EVC2: variants seen among roughly 807,000 people sequenced by gnomAD.
EVC2 encodes EvC ciliary complex subunit 2.
In EVC2, 148 loss-of-function variants were observed where a neutral mutation model predicts 149.3. The observed-to-expected ratio is 0.99, with a 90% CI of 0.87 to 1.14. EVC2 has a LOEUF of 1.14. Ranked by LOEUF, EVC2 falls within the 50% of genes most tolerant of loss-of-function variation. EVC2 has a pLI of 0.00. For missense variants in EVC2, 1,854 were observed against 1,627.3 expected, an observed-to-expected ratio of 1.14 and a Z score of -2.40; for synonymous variants, 776 against 649.9, an observed-to-expected ratio of 1.19 and a Z score of -2.95.
intron 22 of EVC2, chr4:5,542,929 C>T (rs554476868): frequency 2.0e-5 from 7 of 349,312 alleles, no homozygotes; most frequent in South Asian, 4.5e-5. Context: ...TCAGCAGCAT[C>T]GGTAACCAAT....
Position 5,677,262 on chromosome 4 carries a change from C to T in EVC2, c.870+3998G>A, listed in dbSNP as rs73067723. Among the ~76,000 whole-genome samples, 791 of 152,262 alleles carry T rather than the reference C, an allele frequency of 5.2e-3. 3 individuals carry two copies. The highest frequency in any genetic ancestry group is 0.018 in the African/African-American group (756 of 41,548). ...AACTGAGGCCCTCAGAGGTAAGTGA[C>T]GTGCCCAAGCTCACATGCAATCAGT... On this transcript the variant is annotated intron_variant, in intron 7 of 21. Transcript: ENST00000344408. The surrounding 1 kb of genome is among the most constrained non-coding windows in gnomAD (Gnocchi z 4.3).
chr4:5,530,755 A>G, the EVC2 span, among the ~76,000 whole-genome samples: 1 of 152,216 alleles, frequency 6.6e-6, no homozygotes, highest in Non-Finnish European at 1.5e-5. Context: ...CTACCTCATA[A>G]GGTAAACTAT....
chr4:5,599,392 T>TA (rs1390747657), intron 16 of EVC2, among the ~76,000 whole-genome samples: 2 of 152,044 alleles, frequency 1.3e-5, no homozygotes, highest in African/African-American at 2.4e-5. Flanking sequence ...TATGCAGCCA[T>TA]AAAAAATGAT....
intron 21 of EVC2, among the ~76,000 whole-genome samples, chr4:5,543,813 G>A (rs1721562584): frequency 6.6e-6 from 1 of 152,194 alleles, no homozygotes; most frequent in Non-Finnish European, 1.5e-5. Flanking sequence ...AGGGCTGCGA[G>A]GGGCATCTGG....
intron 21 of EVC2, among the ~76,000 whole-genome samples, chr4:5,547,225 G>C (rs1284608334): frequency 6.6e-6 from 1 of 152,252 alleles, no homozygotes; most frequent in Non-Finnish European, 1.5e-5. Context: ...TGACATGCCA[G>C]CCCCCCACTG....
At position 5,562,922 on chromosome 4, in the gene EVC2, G is replaced by A. The variant is rs2108764998; in HGVS notation, c.3853C>T (p.Leu1285=). The A allele has an allele frequency of 3.7e-6, 6 of 1,614,174 alleles. No homozygotes were observed. Among genetic ancestry groups the A allele is most frequent in the Non-Finnish European group, 5.1e-6 (6 of 1,180,050 alleles). Reference sequence around the variant, plus strand: ...TTCTTTTTCCTGGGAGGAACGTGCAGTGAGATCTCTGGCTCCTTTGGATTT... The same window carrying A: ...TTCTTTTTCCTGGGAGGAACGTGCAATGAGATCTCTGGCTCCTTTGGATTT... The part of the protein sequence containing the change: ...FRNPKEPEIS[L]HVPPRKKKNF... The change falls in exon 22 of 22, where the codon CTG becomes TTG. Residue 1285 remains leucine (L), a synonymous_variant. Coordinates refer to ENST00000344408, the MANE Select transcript of EVC2 (RefSeq NM_147127.5). The surrounding 1 kb of genome is among the most constrained non-coding windows in gnomAD (Gnocchi z 4.3).
At position 5,636,519 on chromosome 4, in the gene EVC2, T is replaced by C. The variant is rs1161047443; in HGVS notation, c.1470+3995A>G. 6.6e-6 allele frequency among the ~76,000 whole-genome samples: 1 copy of C among 152,220 alleles called. No homozygotes were observed. The highest frequency in any genetic ancestry group is 2.4e-5 in the African/African-American group (1 of 41,452). On this transcript the variant is annotated intron_variant, in intron 10 of 21. Coordinates refer to ENST00000344408, the MANE Select transcript of EVC2 (RefSeq NM_147127.5). This position sits in a 1 kb window ranked among gnomAD's most constrained non-coding sequence, Gnocchi z 4.6. ...ACAAACTATTTATAACTACATAACA[T>C]TTACATTGTATTAGGTATTACAAGT... is the stretch of plus-strand genomic sequence containing the variant.
chr4:5,665,686 T>C (rs1427690620), intron 7 of EVC2, 37 bp from the exon 8 acceptor site: 3 of 1,610,744 alleles, frequency 1.9e-6, no homozygotes, highest in Non-Finnish European at 2.5e-6. Context: ...TCATGTGTGG[T>C]CAGACAGCAT....
chr4:5,588,540 C>T lies in EVC2; in HGVS notation c.2830-3690G>A, dbSNP rs114056773. On this transcript the variant is annotated intron_variant, in intron 16 of 21. Coordinates refer to ENST00000344408, the MANE Select transcript of EVC2 (RefSeq NM_147127.5). ...AATTCCAATTACCCACACATTAGGC[C>T]GCCTGAAGTTGTCTCATGGCTCACT... Among the ~76,000 whole-genome samples, 748 of 152,170 alleles carry T rather than the reference C, an allele frequency of 4.9e-3. 6 individuals carry two copies. Among genetic ancestry groups the T allele is most frequent in the African/African-American group, 0.017 (710 of 41,524 alleles).
intron 10 of EVC2, among the ~76,000 whole-genome samples, chr4:5,639,641 G>A (rs2061334053): frequency 1.3e-5 from 2 of 152,210 alleles, no homozygotes; most frequent in Admixed American, 1.3e-4. Context: ...TAGACTGTGA[G>A]TTCAGGTTTT....
chr4:5,690,407 T>TG (rs1400085114), intron 4 of EVC2, among the ~76,000 whole-genome samples: 65 of 120,338 alleles, frequency 5.4e-4, no homozygotes, highest in East Asian at 1.6e-3. Flanking sequence ...GGGTTGTTGT[T>TG]TTTTTTTTTT....
Position 5,569,949 on chromosome 4 carries a change from G to A in EVC2, c.3361-1309C>T, listed in dbSNP as rs1722549698. ...GACCGTCCTGCTCGCCCAGGCCACT[G>A]AGCCCTTACCCATGAGCTTCCTTCA... On this transcript the variant is annotated intron_variant, in intron 19 of 21. Transcript: ENST00000344408. The surrounding 1 kb of genome is among the most constrained non-coding windows in gnomAD (Gnocchi z 4.8). Among the ~76,000 whole-genome samples, 1 of 152,128 alleles carries A rather than the reference G, an allele frequency of 6.6e-6. No homozygotes were observed. Among genetic ancestry groups the A allele is most frequent in the African/African-American group, 2.4e-5 (1 of 41,434 alleles).
Position 5,613,633 on chromosome 4 carries a change from C to G in EVC2, c.2829+1789G>C, listed in dbSNP as rs577490233. Among the ~76,000 whole-genome samples, 11 of 151,996 alleles carry G rather than the reference C, an allele frequency of 7.2e-5. No homozygotes were observed. Among genetic ancestry groups the G allele is most frequent in the Non-Finnish European group, 1.6e-4 (11 of 68,018 alleles). On this transcript the variant is annotated intron_variant, in intron 16 of 21. Transcript: ENST00000344408. This position sits in a 1 kb window ranked among gnomAD's most constrained non-coding sequence, Gnocchi z 4.6. ...GCTTCCCTAGGGGTAGGCTGCCCCC[C>G]ACAAGGAACCCCCTAGTGACACTGT...
chr4:5,635,735 A>G (rs1716852100), intron 10 of EVC2, among the ~76,000 whole-genome samples: 1 of 152,228 alleles, frequency 6.6e-6, no homozygotes, highest in African/African-American at 2.4e-5. Flanking sequence ...TGTGCTGAGG[A>G]CAAAGACTCA....
downstream of EVC2, among the ~76,000 whole-genome samples, chr4:5,561,674 A>G (rs1009381345): frequency 6.6e-6 from 1 of 152,096 alleles, no homozygotes; most frequent in Admixed American, 6.6e-5. Context: ...CTCAGGTTCA[A>G]ATTGAGGATT....
At chr4:5,591,258 T>C (rs1295593703) in intron 16 of EVC2, among the ~76,000 whole-genome samples, 1 of 152,230 alleles carries the variant, frequency 6.6e-6, no homozygotes, top group Admixed American at 6.5e-5. Context: ...TCTAAGTGCC[T>C]GTTTTCAGCT....
At chr4:5,566,204 G>T (rs73072294) in intron 20 of EVC2, among the ~76,000 whole-genome samples, 207 of 152,340 alleles carry the variant, frequency 1.4e-3, no homozygotes, top group African/African-American at 4.3e-3. Flanking sequence ...AGGAGAGGGC[G>T]TTGGAGAGTG....
At chr4:5,676,722 G>A (rs1720018616) in intron 7 of EVC2, among the ~76,000 whole-genome samples, 1 of 152,104 alleles carries the variant, frequency 6.6e-6, no homozygotes, top group Non-Finnish European at 1.5e-5. Context: ...CCTCCTCCAG[G>A]AAGCCTGCCA....
At chr4:5,663,276 A>T in intron 8 of EVC2, 30 bp from the exon 9 acceptor site, 1 of 1,613,406 alleles carries the variant, frequency 6.2e-7, no homozygotes, top group Non-Finnish European at 8.5e-7. Context: ...ATAATAATTG[A>T]TTGGGCCTTC....
Sources: allele counts gnomAD v4.1 joint callset (sites outside exome capture counted in the v4.1 genomes callset), GRCh38; gene constraint gnomAD v4.1.1; non-coding constraint Gnocchi (gnomAD v3.1); transcripts MANE v1.5; gene names NCBI Gene and HGNC (gene_info 2026-07-23, HGNC 2026-07-21).